ZNF44: variants seen among roughly 807,000 people sequenced by gnomAD.
The protein encoded by ZNF44 is gonadotropin inducible transcription repressor-2.
ZNF44 carries 9 observed loss-of-function variants against 11.7 expected under a neutral mutation model. The observed-to-expected ratio is 0.77, with a 90% CI of 0.46 to 1.35. The LOEUF (loss-of-function observed/expected upper bound fraction) is 1.35. Among genes scored for constraint, ZNF44 ranks in the 40% most tolerant of loss-of-function variants. The probability of loss-of-function intolerance (pLI) is 0.00; values close to 1 mark genes in which losing one functional copy is unlikely to be tolerated. For missense variants in ZNF44, 696 were observed against 743.1 expected, an observed-to-expected ratio of 0.94 and a Z score of 0.74; for synonymous variants, 224 against 242.7, an observed-to-expected ratio of 0.92 and a Z score of 0.72.
intron 5 of ZNF44, among the ~76,000 whole-genome samples, chr19:12,264,934 G>A (rs1917666329): frequency 6.6e-6 from 1 of 152,054 alleles, no homozygotes; most frequent in Non-Finnish European, 1.5e-5. Context: ...CTGAGCTCAG[G>A]AGATCCACCT....
downstream of ZNF44, among the ~76,000 whole-genome samples, chr19:12,246,741 C>G (rs1050850066): frequency 3.9e-5 from 6 of 152,048 alleles, no homozygotes; most frequent in Admixed American, 2.6e-4. Context: ...GAATGTGGCA[C>G]TAAGCCAGGC....
chr19:12,227,631 T>C (rs1000486042), intron 3 of ZNF44, among the ~76,000 whole-genome samples: 31 of 152,184 alleles, frequency 2.0e-4, no homozygotes, highest in African/African-American at 6.5e-4. Context: ...AGAATAGCCA[T>C]ACTTAAAGAC....
rs1292971610 is a variant in ZNF44, at chr19:12,273,738, C to A, written c.517G>T (p.Glu173Ter). ...HTGKKPYDCKECGKTFSSPGN... is the reference protein window; with the variant it reads ...HTGKKPYDCK ...GGAGAACTGAAGGTTTTTCCACATTCCTTACAATCATAGGGTTTCTTTCCA... is the reference window on the plus strand; with the variant it reads ...GGAGAACTGAAGGTTTTTCCACATTACTTACAATCATAGGGTTTCTTTCCA... Residue 173 changes from glutamate (E) to a stop codon, truncating the protein, a stop_gained, in exon 4 of 4, where the codon GAA becomes TAA. Transcript: ENST00000355684. LOFTEE classifies it low-confidence loss of function (END_TRUNC). 2 of 1,613,970 alleles carry A rather than the reference C, an allele frequency of 1.2e-6. No homozygotes were observed. The highest frequency in any genetic ancestry group is 1.7e-6 in the Non-Finnish European group (2 of 1,179,994).
chr19:12,289,014 G>A (rs185499444), intron 1 of ZNF44, among the ~76,000 whole-genome samples: 10 of 151,782 alleles, frequency 6.6e-5, no homozygotes, highest in Non-Finnish European at 1.3e-4. Flanking sequence ...GCTTCCAAAG[G>A]AAACTTGTGG....
At chr19:12,258,185 A>AAAAT (rs1327464288) in intron 5 of ZNF44, among the ~76,000 whole-genome samples, 125 of 142,138 alleles carry the variant, frequency 8.8e-4, no homozygotes, top group African/African-American at 3.2e-3. Context: ...AAAAAAAAAA[A>AAAAT]TTAGCTGAGC....
downstream of ZNF44, among the ~76,000 whole-genome samples, chr19:12,270,651 C>T (rs1188247942): frequency 6.6e-6 from 1 of 152,068 alleles, no homozygotes; most frequent in Non-Finnish European, 1.5e-5. Flanking sequence ...GGGGTTTCAC[C>T]ATGTTGACCA....
At chr19:12,266,416 A>AG (rs976628433) in intron 5 of ZNF44, 9 of 901,258 alleles carry the variant, frequency 1.0e-5, no homozygotes, top group Non-Finnish European at 1.2e-5. Context: ...CCAAGGCGAG[A>AG]GGGAAAAAAA....
chr19:12,266,752 T>C lies in ZNF44; in HGVS notation c.1912+5735A>G, dbSNP rs754501111. On this transcript the variant is annotated intron_variant and NMD_transcript_variant, in intron 5 of 7. Coordinates refer to the ZNF44 transcript ENST00000393337. Reference sequence around the variant, plus strand: ...CAGGACATGCCCTCGCCAGAGGACATTGGAATTTAAGAACTTGCTCCTGGC... The same window carrying C: ...CAGGACATGCCCTCGCCAGAGGACACTGGAATTTAAGAACTTGCTCCTGGC... Among the ~76,000 whole-genome samples, 16 of 152,182 alleles carry C rather than the reference T, an allele frequency of 1.1e-4. 1 individual carries two copies. The highest frequency in any genetic ancestry group is 6.2e-4 in the South Asian group (3 of 4,826).
In ZNF44 at chr19:12,273,937, A is replaced by C; in HGVS notation, c.318T>G (p.Ser106Arg). The change falls in exon 4 of 4, where the codon AGT (serine) becomes AGG (arginine). Residue 106 changes from serine to arginine, a missense_variant. Ser to Arg is a moderately radical substitution (Grantham distance 110, BLOSUM62 -1). Transcript: ENST00000355684. ...GACCCATTATGACTTCTCCATTCAC[A>C]CTGCTTCCACATGCATCTACTCTGG... ...TPARVDACGSSVNGEVIMGHS... is the reference protein window; with the variant it reads ...TPARVDACGSRVNGEVIMGHS... 1 of 1,614,138 alleles carries C rather than the reference A, an allele frequency of 6.2e-7. No homozygotes were observed. Among genetic ancestry groups the C allele is most frequent in the Non-Finnish European group, 8.5e-7 (1 of 1,180,036 alleles).
At chr19:12,232,381 G>A (rs1310026749) in intron 2 of ZNF44, among the ~76,000 whole-genome samples, 3 of 152,092 alleles carry the variant, frequency 2.0e-5, no homozygotes, top group East Asian at 1.9e-4. Context: ...TACGGGTGTC[G>A]GGCTGGGGGA....
At chr19:12,266,507 C>G (rs536475408) in intron 5 of ZNF44, among the ~76,000 whole-genome samples, 1 of 152,300 alleles carries the variant, frequency 6.6e-6, no homozygotes, top group East Asian at 1.9e-4. Context: ...ACGGCCCCGC[C>G]CTCAGAACCC....
chr19:12,284,894 C>A (rs375623888), intron 1 of ZNF44: 2 of 731,000 alleles, frequency 2.7e-6, no homozygotes, highest in South Asian at 3.0e-5. Flanking sequence ...GCCTCATCCC[C>A]GCACCCAGGG....
chr19:12,248,598 C>A, exon 8 of ZNF44: 1 of 1,296,832 alleles, frequency 7.7e-7, no homozygotes, highest in Non-Finnish European at 1.0e-6. Context: ...CTTGTTCAGA[C>A]TGAGATTTGC....
chr19:12,242,410 T>G (rs1213530690), upstream of ZNF44, among the ~76,000 whole-genome samples: 2 of 150,690 alleles, frequency 1.3e-5, no homozygotes, highest in Admixed American at 6.6e-5. Flanking sequence ...CTCGGGAGGC[T>G]GAGGCAGGAG....
chr19:12,260,326 C>G lies in ZNF44; in HGVS notation c.1913-9958G>C. 4.4e-6 allele frequency: 4 copies of G among 907,718 alleles called. No individual in the cohort carries two copies. In the Admixed American group the frequency reaches 5.8e-5, roughly 13 times the overall value. 56.2% of individuals were successfully genotyped at this position (907,718 alleles called of 1,614,324 possible). ...GTGGTGGTGGTCACGAAGCAGAGAT[C>G]CGGCCAGCCGAAGCCTGCCACCTCC... On this transcript the variant is annotated intron_variant and NMD_transcript_variant, in intron 5 of 7. Coordinates refer to the ZNF44 transcript ENST00000393337.
At chr19:12,258,160 CAAAA>C (rs770370872) in intron 5 of ZNF44, among the ~76,000 whole-genome samples, 1 of 55,890 alleles carries the variant, frequency 1.8e-5, no homozygotes. Context: ...CTCATCTCTA[CAAAA>C]AAAAAAAAAA....
intron 1 of ZNF44, among the ~76,000 whole-genome samples, chr19:12,278,397 G>A (rs1382720514): frequency 6.6e-6 from 1 of 152,150 alleles, no homozygotes; most frequent in African/African-American, 2.4e-5. Flanking sequence ...TCAGCCCCCT[G>A]ATTTCCCACT....
intron 1 of ZNF44, among the ~76,000 whole-genome samples, chr19:12,279,153 T>C (rs1176882232): frequency 1.3e-5 from 2 of 152,146 alleles, no homozygotes; most frequent in Admixed American, 6.5e-5. Context: ...GATCACAAGC[T>C]AAAGAACAGA....
At chr19:12,258,254 C>A (rs1242798897) in intron 5 of ZNF44, among the ~76,000 whole-genome samples, 1 of 147,358 alleles carries the variant, frequency 6.8e-6, no homozygotes, top group Non-Finnish European at 1.5e-5. Context: ...GATGCTTCAG[C>A]CCAGATGTTG....
Sources: gnomAD v4.1 joint callset for allele counts (sites outside exome capture counted in the v4.1 genomes callset) on GRCh38, gnomAD v4.1.1 for gene constraint, MANE v1.5 for transcripts, NCBI Gene and HGNC (gene_info 2026-07-23, HGNC 2026-07-21) for gene names.